Variants in AADACL2 observed in about 807,000 individuals in gnomAD.
The protein encoded by AADACL2 is arylacetamide deacetylase-like 2.
A neutral mutation model predicts 22.3 loss-of-function variants in AADACL2; 23 were observed. That is an observed-to-expected ratio of 1.03 (90% confidence interval 0.74 to 1.46). The LOEUF (loss-of-function observed/expected upper bound fraction) is 1.46, where lower values mean the gene tolerates loss of function less well. Ranked by LOEUF, AADACL2 falls within the 40% of genes most tolerant of loss-of-function variation. The probability of loss-of-function intolerance (pLI) is 0.00; values close to 1 mark genes in which losing one functional copy is unlikely to be tolerated. For missense variants in AADACL2, 472 were observed against 482.9 expected, an observed-to-expected ratio of 0.98 and a Z score of 0.21; for synonymous variants, 177 against 166.2, an observed-to-expected ratio of 1.07 and a Z score of -0.50.
chr3:151,737,128 T>C, intron 1 of AADACL2, among the ~76,000 whole-genome samples: 1 of 152,196 alleles, frequency 6.6e-6, no homozygotes, highest in Admixed American at 6.5e-5. Context: ...AACACTGCTT[T>C]AGCTGTGTCC....
At chr3:151,740,558 T>G in intron 1 of AADACL2, 88 bp from the exon 2 acceptor site, 1 of 893,706 alleles carries the variant, frequency 1.1e-6, no homozygotes, top group Non-Finnish European at 1.6e-6. Context: ...CCTTGCTTAT[T>G]TTTTCTTCCT....
chr3:151,735,631 G>A (rs773518936), intron 1 of AADACL2, among the ~76,000 whole-genome samples: 22 of 152,328 alleles, frequency 1.4e-4, no homozygotes, highest in Non-Finnish European at 4.4e-5. Flanking sequence ...TGTGGTGCAC[G>A]CCTGTAATCC....
intron 2 of AADACL2, 113 bp downstream of exon 2, chr3:151,740,981 T>A: frequency 1.2e-6 from 1 of 822,880 alleles, no homozygotes; most frequent in South Asian, 2.0e-5. Context: ...TATATACTTG[T>A]CTGGATATGG....
intron 3 of AADACL2, among the ~76,000 whole-genome samples, chr3:151,744,608 C>G (rs1713380554): frequency 6.6e-6 from 1 of 152,134 alleles, no homozygotes. Context: ...CTTATACATT[C>G]TATCAAATCC....
Position 151,757,378 on chromosome 3 carries a change from G to A in AADACL2, c.990G>A (p.Leu330=). Residue 330 remains leucine, a synonymous_variant, in exon 5 of 5, where the codon TTG becomes TTA. Transcript: ENST00000356517. ...LLANDSQLQN[L]PLTYILTCQH... ...CCAATGATTCTCAGTTACAGAATTT[G>A]CCACTAACCTATATTCTTACTTGTC... 2 of 1,613,718 alleles carry A rather than the reference G, an allele frequency of 1.2e-6. No individual in the cohort carries two copies. Among genetic ancestry groups the A allele is most frequent in the Non-Finnish European group, 8.5e-7 (1 of 1,179,684 alleles).
At chr3:151,748,933 T>C (rs1191221435) in intron 4 of AADACL2, among the ~76,000 whole-genome samples, 1 of 152,238 alleles carries the variant, frequency 6.6e-6, no homozygotes, top group Non-Finnish European at 1.5e-5. Context: ...TACCATACTG[T>C]TTTGATTATT....
chr3:151,739,483 C>A (rs1486987776), intron 1 of AADACL2, among the ~76,000 whole-genome samples: 1 of 152,172 alleles, frequency 6.6e-6, no homozygotes, highest in Non-Finnish European at 1.5e-5. Context: ...GTCAGCGAAC[C>A]ATTTGAGGAG....
chr3:151,734,290 C>T (rs1205189112), intron 1 of AADACL2, 117 bp downstream of exon 1: 3 of 1,154,734 alleles, frequency 2.6e-6, no homozygotes, highest in East Asian at 5.2e-5. Context: ...AGAACCATTG[C>T]TTGTTTGAGT....
chr3:151,756,929 A>C, intron 4 of AADACL2, 63 bp from the exon 5 acceptor site: 1 of 1,484,564 alleles, frequency 6.7e-7, no homozygotes, highest in South Asian at 1.4e-5. Flanking sequence ...TAGATAATTA[A>C]ATTTTTTTTC....
At position 151,758,637 on chromosome 3, in the gene AADACL2, A is replaced by G. The variant is rs1714041870; in HGVS notation, c.*1043A>G. 1.3e-5 allele frequency: 2 copies of G among 152,112 alleles called. No individual in the cohort carries two copies. Among genetic ancestry groups the G allele is most frequent in the Non-Finnish European group, 2.9e-5 (2 of 67,984 alleles). 9.4% of individuals were successfully genotyped at this position (152,112 alleles called of 1,614,324 possible). Reference sequence around the variant, plus strand: ...AAGCTTCTCCAAAAAACTTTCAAATATATCATCTCAAATTACCTAAAGAAT... The same window carrying G: ...AAGCTTCTCCAAAAAACTTTCAAATGTATCATCTCAAATTACCTAAAGAAT... On this transcript the variant is annotated 3_prime_UTR_variant, in exon 5 of 5. Transcript: ENST00000356517.
chr3:151,747,027 A>G (rs1713473990), intron 4 of AADACL2, among the ~76,000 whole-genome samples: 1 of 151,884 alleles, frequency 6.6e-6, no homozygotes, highest in Admixed American at 6.6e-5. Flanking sequence ...GAAAAATTAC[A>G]CTAGCCTCAT....
intron 4 of AADACL2, among the ~76,000 whole-genome samples, chr3:151,747,152 T>A (rs189484580): frequency 1.4e-4 from 21 of 152,214 alleles, no homozygotes; most frequent in Non-Finnish European, 2.2e-4. Context: ...ATGTACAACA[T>A]GATGTTTTGA....
chr3:151,750,395 A>C (rs1237065546), intron 4 of AADACL2, among the ~76,000 whole-genome samples: 1 of 152,090 alleles, frequency 6.6e-6, no homozygotes, highest in Non-Finnish European at 1.5e-5. Flanking sequence ...TCCTAAGTTC[A>C]CCTATGAGTC....
At position 151,734,011 on chromosome 3, in the gene AADACL2, T is replaced by C; in HGVS notation, c.-25T>C. 6.3e-7 allele frequency: 1 copy of C among 1,584,300 alleles called. No homozygotes were observed. Among genetic ancestry groups the C allele is most frequent in the East Asian group, 2.3e-5 (1 of 43,494 alleles). On this transcript the variant is annotated 5_prime_UTR_variant, in exon 1 of 5. Transcript: ENST00000356517. ...GTGAAAAATTTTAATCTCAGTACTGTGAAGAAGCTGGAAAAAGGGATATTA... is the reference window on the plus strand; with the variant it reads ...GTGAAAAATTTTAATCTCAGTACTGCGAAGAAGCTGGAAAAAGGGATATTA...
In AADACL2 at chr3:151,752,425, G is replaced by T. The variant is rs143669717; in HGVS notation, c.604-4567G>T. On this transcript the variant is annotated intron_variant, in intron 4 of 4. Transcript: ENST00000356517. ...TGTATTCTTATTATTGAGAAGAAAT[G>T]AATATATTTAACCTATTATTGCTAG... Among the ~76,000 whole-genome samples, 220 of 152,250 alleles carry T rather than the reference G, an allele frequency of 1.4e-3. 2 individuals are homozygous for T. Among genetic ancestry groups the T allele is most frequent in the African/African-American group, 4.8e-3 (200 of 41,542 alleles).
At chr3:151,748,114 T>G (rs911489754) in intron 4 of AADACL2, among the ~76,000 whole-genome samples, 9 of 152,202 alleles carry the variant, frequency 5.9e-5, no homozygotes, top group Non-Finnish European at 1.2e-4. Flanking sequence ...GCTTTTTAGT[T>G]TGAGGCAATC....
rs561933255 is a variant in AADACL2 at position 151,758,915 on chromosome 3, A to G, written c.*1321A>G. ...CAGTTGGGACCAGACATTTTTCTCA[A>G]TTCTCCATGATTCAGAAGGCAATTA... On this transcript the variant is annotated 3_prime_UTR_variant, in exon 5 of 5. Transcript: ENST00000356517. 2 of 152,232 alleles carry G rather than the reference A, an allele frequency of 1.3e-5. No individual in the cohort carries two copies. Among genetic ancestry groups the G allele is most frequent in the Admixed American group, 1.3e-4 (2 of 15,280 alleles). 9.4% of individuals were successfully genotyped at this position (152,232 alleles called of 1,614,324 possible).
chr3:151,736,358 C>A (rs1483172303), intron 1 of AADACL2, among the ~76,000 whole-genome samples: 1 of 148,982 alleles, frequency 6.7e-6, no homozygotes, highest in Non-Finnish European at 1.5e-5. Context: ...GCAGAACGTG[C>A]AGGTTTGTTG....
intron 4 of AADACL2, among the ~76,000 whole-genome samples, chr3:151,749,178 C>T (rs1713569557): frequency 1.3e-5 from 2 of 152,066 alleles, no homozygotes; most frequent in African/African-American, 4.8e-5. Context: ...TTAATCTTTT[C>T]ATTTACTTGT....
Sources: gnomAD v4.1 joint callset for allele counts (sites outside exome capture counted in the v4.1 genomes callset) on GRCh38, gnomAD v4.1.1 for gene constraint, MANE v1.5 for transcripts, NCBI Gene and HGNC (gene_info 2026-07-23, HGNC 2026-07-21) for gene names.